Variants in CCDC39 observed in about 807,000 individuals in gnomAD.
CCDC39 encodes the protein coiled-coil domain-containing protein 39.
CCDC39 carries 113 observed loss-of-function variants against 121.0 expected under a neutral mutation model. That is an observed-to-expected ratio of 0.93 (90% CI 0.80 to 1.09). The LOEUF is 1.09. CCDC39 is among the 50% of genes least tolerant of loss of function. CCDC39 has a pLI of 0.00. For missense variants in CCDC39, 1,063 were observed against 1,074.7 expected, an observed-to-expected ratio of 0.99 and a Z score of 0.15; for synonymous variants, 349 against 352.2, an observed-to-expected ratio of 0.99 and a Z score of 0.10.
intron 9 of CCDC39, among the ~76,000 whole-genome samples, chr3:180,650,322 C>G (rs1288452894): frequency 1.3e-5 from 2 of 151,912 alleles, no homozygotes; most frequent in Non-Finnish European, 2.9e-5. Context: ...AAAATTTTGC[C>G]AGAGTATAAG....
intron 11 of CCDC39, among the ~76,000 whole-genome samples, chr3:180,644,925 C>T (rs1370638796): frequency 1.3e-5 from 2 of 152,258 alleles, no homozygotes; most frequent in African/African-American, 2.4e-5. Context: ...CAGTTCATCA[C>T]ATGGTTTACC....
rs779327253 is a variant in CCDC39, at chr3:180,639,747, C to A, written c.1874+2246G>T. On this transcript the variant is annotated intron_variant, in intron 13 of 19. Coordinates refer to ENST00000476379, the MANE Select transcript of CCDC39 (RefSeq NM_181426.2). ...ACTGCTAAAGAACTTATCTGTGTAG[C>A]TAAAAACCACCTGTTTCTCAAAAAT... 2.0e-5 allele frequency among the ~76,000 whole-genome samples: 3 copies of A among 151,900 alleles called. 1 individual carries two copies. Among genetic ancestry groups the A allele is most frequent in the Middle Eastern group, 6.8e-3 (2 of 294 alleles).
At chr3:180,622,713 T>TTTA (rs1490202821) in intron 14 of CCDC39, among the ~76,000 whole-genome samples, 14 of 152,144 alleles carry the variant, frequency 9.2e-5, no homozygotes, top group African/African-American at 2.7e-4. Context: ...ATGTATCATG[T>TTTA]TTATTAAGTT....
intron 1 of CCDC39, among the ~76,000 whole-genome samples, chr3:180,675,527 T>C (rs1442343496): frequency 2.0e-5 from 3 of 152,220 alleles, no homozygotes; most frequent in Admixed American, 6.5e-5. Flanking sequence ...TGCTAGCTTT[T>C]GACTGTGTTT....
intron 12 of CCDC39, among the ~76,000 whole-genome samples, chr3:180,643,473 T>A (rs1258794151): frequency 6.6e-6 from 1 of 152,116 alleles, no homozygotes; most frequent in Admixed American, 6.6e-5. Flanking sequence ...CCACCAATTT[T>A]AAAAATGCAG....
chr3:180,654,167 G>C (rs1711526873), intron 7 of CCDC39, among the ~76,000 whole-genome samples: 2 of 139,906 alleles, frequency 1.4e-5, no homozygotes, highest in South Asian at 2.3e-4. Flanking sequence ...ATACACAATG[G>C]GGAAAGGATA....
At chr3:180,624,526 T>G (rs1044279460) in intron 14 of CCDC39, among the ~76,000 whole-genome samples, 1 of 152,220 alleles carries the variant, frequency 6.6e-6, no homozygotes, top group Non-Finnish European at 1.5e-5. Flanking sequence ...GGTAGAATTC[T>G]GTTATGTTGC....
chr3:180,639,855 G>T (rs1349362701), intron 13 of CCDC39, among the ~76,000 whole-genome samples: 3 of 152,068 alleles, frequency 2.0e-5, no homozygotes, highest in African/African-American at 7.2e-5. Flanking sequence ...TAGTTATCTA[G>T]CTCTTAGAGA....
chr3:180,640,322 G>A (rs990427260), intron 13 of CCDC39, among the ~76,000 whole-genome samples: 4 of 152,040 alleles, frequency 2.6e-5, no homozygotes, highest in Admixed American at 2.6e-4. Flanking sequence ...GTGGGATGCA[G>A]CTAATATAAT....
intron 14 of CCDC39, among the ~76,000 whole-genome samples, chr3:180,623,388 T>C (rs1717479241): frequency 6.6e-6 from 1 of 152,118 alleles, no homozygotes; most frequent in Middle Eastern, 3.4e-3. Flanking sequence ...TGTTTGTCAT[T>C]TGAGGAACAA....
intron 11 of CCDC39, among the ~76,000 whole-genome samples, chr3:180,646,284 A>G (rs566348708): frequency 3.9e-5 from 6 of 152,088 alleles, no homozygotes; most frequent in African/African-American, 1.4e-4. Context: ...TTAAGAAGAA[A>G]AAAAAAAAGT....
chr3:180,675,268 A>T (rs566566156), intron 1 of CCDC39, among the ~76,000 whole-genome samples: 64 of 152,252 alleles, frequency 4.2e-4, no homozygotes, highest in African/African-American at 1.5e-3. Flanking sequence ...TTACTTGCAT[A>T]GAGGTGTTTA....
chr3:180,650,687 T>C (rs1364655447), intron 9 of CCDC39, among the ~76,000 whole-genome samples: 1 of 151,556 alleles, frequency 6.6e-6, no homozygotes, highest in Non-Finnish European at 1.5e-5. Context: ...TGAAACCCCA[T>C]CTCTACTAAA....
chr3:180,651,210 A>G (rs565589342), intron 9 of CCDC39, among the ~76,000 whole-genome samples, 191 bp downstream of exon 9: 169 of 152,148 alleles, frequency 1.1e-3, no homozygotes, highest in African/African-American at 4.0e-3. Flanking sequence ...AAAAAGAAAA[A>G]AGAGAGAGGA....
At chr3:180,660,833 G>C in intron 3 of CCDC39, 105 bp from the exon 4 acceptor site, 1 of 936,344 alleles carries the variant, frequency 1.1e-6, no homozygotes, top group Non-Finnish European at 1.5e-6. Context: ...AATTAAAAAT[G>C]AGGAAATCCT....
chr3:180,659,823 G>C, intron 4 of CCDC39, 54 bp from the exon 5 acceptor site: 1 of 1,185,492 alleles, frequency 8.4e-7, no homozygotes, highest in Non-Finnish European at 1.2e-6. Context: ...TAATTTAAAT[G>C]TTATTAGTGT....
chr3:180,675,942 T>G (rs1322945186), intron 1 of CCDC39, among the ~76,000 whole-genome samples: 1 of 152,362 alleles, frequency 6.6e-6, no homozygotes, highest in East Asian at 1.9e-4. Context: ...GCTAGCCATA[T>G]GTAGAAAGCT....
At position 180,654,858 on chromosome 3, in the gene CCDC39, C is replaced by G. The variant is rs754596042; in HGVS notation, c.834G>C (p.Glu278Asp). ...FLESEIGNNTEFEKRISVADR... is the reference protein window; with the variant it reads ...FLESEIGNNTDFEKRISVADR... ...CAGCCACAGAAATTCTTTTCTCAAA[C>G]TCTGTGTTATTCCCAATCTCACTTT... The change falls in exon 7 of 20, where the codon GAG becomes GAC. Residue 278 changes from glutamate (E) to aspartate (D), a missense_variant. Transcript: ENST00000476379. 26 of 1,607,998 alleles carry G rather than the reference C, an allele frequency of 1.6e-5. No homozygotes were observed. The highest frequency in any genetic ancestry group is 2.1e-5 in the Non-Finnish European group (25 of 1,177,678).
chr3:180,644,290 G>A, intron 11 of CCDC39, 33 bp from the exon 12 acceptor site: 1 of 1,352,258 alleles, frequency 7.4e-7, no homozygotes, highest in Non-Finnish European at 1.0e-6. Flanking sequence ...ATAAATGTAT[G>A]TTTTAAATAT....
Sources: gnomAD v4.1 joint callset for allele counts (sites outside exome capture counted in the v4.1 genomes callset) on GRCh38, gnomAD v4.1.1 for gene constraint, MANE v1.5 for transcripts, NCBI Gene and HGNC (gene_info 2026-07-23, HGNC 2026-07-21) for gene names.